The following PCBP3 variants were observed in gnomAD, a reference collection of about 807,000 sequenced individuals.
PCBP3 encodes the protein poly(rC)-binding protein 3.
A neutral mutation model predicts 52.7 loss-of-function variants in PCBP3; 25 were observed. The observed-to-expected ratio is 0.47, with a 90% CI of 0.35 to 0.66. The LOEUF is 0.66. Ranked by LOEUF, PCBP3 falls within the 30% of genes least tolerant of loss-of-function variation. The pLI is 0.01. For synonymous variants in PCBP3, 162 were observed against 183.0 expected (o/e 0.89, Z 0.93); for missense variants, 391 against 490.3 (o/e 0.80, Z 1.91).
At chr21:45,660,203 C>T (rs1490694037) in intron 1 of PCBP3, among the ~76,000 whole-genome samples, 2 of 151,732 alleles carry the variant, frequency 1.3e-5, no homozygotes. Flanking sequence ...ATGAATTGAC[C>T]TTTTTATAGT....
At chr21:45,777,970 C>CTT (rs71318012) in intron 4 of PCBP3, among the ~76,000 whole-genome samples, 74 of 130,798 alleles carry the variant, frequency 5.7e-4, no homozygotes, top group South Asian at 7.4e-4. Context: ...TGGGGAGGGC[C>CTT]TTTTTTTTTT....
chr21:45,921,596 G>A (rs530032037), intron 13 of PCBP3, among the ~76,000 whole-genome samples: 21 of 152,298 alleles, frequency 1.4e-4, no homozygotes, highest in South Asian at 1.2e-3. Context: ...CAGGTGGATC[G>A]CTTGAGCTCA....
chr21:45,655,467 G>A (rs1462546548), intron 1 of PCBP3, among the ~76,000 whole-genome samples: 1 of 152,088 alleles, frequency 6.6e-6, no homozygotes, highest in Non-Finnish European at 1.5e-5. Flanking sequence ...GCCATGTAGT[G>A]GGTGGGAAGT....
At chr21:45,675,110 A>G (rs912375593) in intron 2 of PCBP3, among the ~76,000 whole-genome samples, 1 of 152,244 alleles carries the variant, frequency 6.6e-6, no homozygotes, top group Non-Finnish European at 1.5e-5. Context: ...AGAACAGAGC[A>G]TAGTTGAGGC....
intron 13 of PCBP3, among the ~76,000 whole-genome samples, chr21:45,922,095 A>G (rs574354547): frequency 2.8e-4 from 42 of 152,254 alleles, no homozygotes; most frequent in African/African-American, 1.0e-3. Flanking sequence ...AGAAATGAGA[A>G]AGAGAAACAG....
At chr21:45,861,033 G>A (rs2094491376) in intron 5 of PCBP3, among the ~76,000 whole-genome samples, 1 of 152,176 alleles carries the variant, frequency 6.6e-6, no homozygotes, top group African/African-American at 2.4e-5. Context: ...TGCCCATCCT[G>A]GGCCCTGTGG....
At chr21:45,824,132 A>G (rs2093237876) in intron 4 of PCBP3, among the ~76,000 whole-genome samples, 1 of 152,108 alleles carries the variant, frequency 6.6e-6, no homozygotes, top group South Asian at 2.1e-4. Flanking sequence ...TGATGGTTTC[A>G]TCCCATTTGT....
At chr21:45,686,328 G>A (rs980546242) in intron 2 of PCBP3, among the ~76,000 whole-genome samples, 12 of 152,118 alleles carry the variant, frequency 7.9e-5, no homozygotes, top group Admixed American at 5.9e-4. Flanking sequence ...TAGAGGTAAC[G>A]GAAAGGTATA....
intron 4 of PCBP3, among the ~76,000 whole-genome samples, chr21:45,780,779 C>T (rs1301582379): frequency 6.6e-6 from 1 of 152,158 alleles, no homozygotes; most frequent in Non-Finnish European, 1.5e-5. Context: ...TGCACTCAAC[C>T]AGCAGGTGGG....
At position 45,895,337 on chromosome 21, in the gene PCBP3, G is replaced by A. The variant is rs942561881; in HGVS notation, c.11-871G>A. 2.5e-3 allele frequency among the ~76,000 whole-genome samples: 377 copies of A among 152,314 alleles called. 1 individual carries two copies. The highest frequency in any genetic ancestry group is 8.8e-3 in the African/African-American group (366 of 41,560). ...CCAGGCAGCTCGATTATGGTGGGGG[G>A]TGCAGCTTCACAGGTTTCTGTTCCT... On this transcript the variant is annotated intron_variant, in intron 5 of 17. Transcript: ENST00000681687.
rs188540135 is a variant in PCBP3 at position 45,817,973 on chromosome 21, C to T, written c.-125-31988C>T. ...CCCTCATACAGAGCTTCTCCTGTTA[C>T]GTACATCTTGCCTCAAGTGTGGTAC... is the stretch of plus-strand genomic sequence containing the variant. On this transcript the variant is annotated intron_variant, in intron 4 of 17. Coordinates refer to ENST00000681687, the MANE Select transcript of PCBP3 (RefSeq NM_001384156.1). This position sits in a 1 kb window ranked among gnomAD's most constrained non-coding sequence, Gnocchi z 4.3. Among the ~76,000 whole-genome samples the T allele has an allele frequency of 6.6e-4, 101 of 152,284 alleles. No individual in the cohort carries two copies. The highest frequency in any genetic ancestry group is 5.8e-3 in the South Asian group (28 of 4,824).
At chr21:45,698,785 T>G (rs1052459096) in intron 2 of PCBP3, among the ~76,000 whole-genome samples, 1 of 152,236 alleles carries the variant, frequency 6.6e-6, no homozygotes, top group Non-Finnish European at 1.5e-5. Flanking sequence ...AAGGAGATTT[T>G]GGCTTGGCCC....
At chr21:45,872,366 C>A (rs768629034) in intron 5 of PCBP3, 1 of 152,220 alleles carries the variant, frequency 6.6e-6, no homozygotes, top group Non-Finnish European at 1.5e-5. Context: ...CCTCAGTTAC[C>A]TCCTGTGACC....
chr21:45,704,082 G>A lies in PCBP3; in HGVS notation c.-199-31310G>A, dbSNP rs531265430. 6.6e-6 allele frequency among the ~76,000 whole-genome samples: 1 copy of A among 152,318 alleles called. No individual in the cohort carries two copies. Among genetic ancestry groups the A allele is most frequent in the South Asian group, 2.1e-4 (1 of 4,834 alleles). ...GATGGAGGCTGGCCCTCTGGCTGAT[G>A]TCAAGAGGTCAGAAGGGAAGACACG... On this transcript the variant is annotated intron_variant, in intron 2 of 17. Coordinates refer to ENST00000681687, the MANE Select transcript of PCBP3 (RefSeq NM_001384156.1). The surrounding 1 kb of genome is among the most constrained non-coding windows in gnomAD (Gnocchi z 4.1).
chr21:45,893,911 G>A, intron 5 of PCBP3: 1 of 985,392 alleles, frequency 1.0e-6, no homozygotes, highest in Non-Finnish European at 1.2e-6. Flanking sequence ...GGTAGCCACT[G>A]AGCTGCCCCA....
intron 3 of PCBP3, among the ~76,000 whole-genome samples, chr21:45,739,069 G>GCA (rs2086143434): frequency 2.9e-5 from 2 of 68,006 alleles, no homozygotes; most frequent in Non-Finnish European, 5.7e-5. Flanking sequence ...CCTCTGGGTA[G>GCA]CCCCCCATCT....
At chr21:45,663,784 A>G (rs2080577195) in intron 1 of PCBP3, among the ~76,000 whole-genome samples, 1 of 152,072 alleles carries the variant, frequency 6.6e-6, no homozygotes, top group Admixed American at 6.6e-5. Flanking sequence ...GTAGCCTTGT[A>G]GTATAATTTG....
intron 5 of PCBP3, among the ~76,000 whole-genome samples, chr21:45,884,727 A>T (rs2095479374): frequency 6.6e-6 from 1 of 152,096 alleles, no homozygotes; most frequent in Admixed American, 6.5e-5. Context: ...CACCCAGCTA[A>T]TTTTTTAAAT....
At chr21:45,714,269 T>C (rs976597801) in intron 2 of PCBP3, among the ~76,000 whole-genome samples, 9 of 152,200 alleles carry the variant, frequency 5.9e-5, no homozygotes, top group African/African-American at 2.2e-4. Context: ...GACATTTCCA[T>C]TTGCAAGTCT....
Sources: gnomAD v4.1 joint callset for allele counts (sites outside exome capture counted in the v4.1 genomes callset) on GRCh38, gnomAD v4.1.1 for gene constraint, Gnocchi (gnomAD v3.1) non-coding constraint, MANE v1.5 for transcripts, NCBI Gene and HGNC (gene_info 2026-07-23, HGNC 2026-07-21) for gene names.